SERPINB8: variants seen among roughly 807,000 people sequenced by gnomAD.
SERPINB8 encodes serpin B8.
Under a neutral mutation model 35.3 loss-of-function variants are expected in SERPINB8, and 25 were observed. The ratio of observed to expected loss-of-function variants is 0.71; its 90% confidence interval spans 0.52 to 0.99. The LOEUF is 0.99. SERPINB8 is among the 50% of genes least tolerant of loss of function. The pLI, the probability that SERPINB8 is intolerant of heterozygous loss-of-function variation, is 0.00. For missense variants in SERPINB8, 484 were observed against 446.5 expected, an observed-to-expected ratio of 1.08 and a Z score of -0.76; for synonymous variants, 186 against 160.8, an observed-to-expected ratio of 1.16 and a Z score of -1.19.
At chr18:63,986,763 A>G in intron 6 of SERPINB8, 111 bp from the exon 7 acceptor site, 2 of 1,389,008 alleles carry the variant, frequency 1.4e-6, no homozygotes, top group Admixed American at 2.3e-5. Context: ...ATTTTCTTGG[A>G]CCAGAACTCA....
In SERPINB8 at chr18:63,987,053, T is replaced by C. The variant is rs1464416864; in HGVS notation, c.900T>C (p.Ser300=). The C allele has an allele frequency of 1.9e-6, 3 of 1,614,094 alleles. No individual in the cohort carries two copies. The highest frequency in any genetic ancestry group is 1.7e-5 in the Admixed American group (1 of 60,004). ...DAFDEAKADF[S]GMSTEKNVPL... ...TTGACGAAGCCAAGGCAGACTTTTC[T>C]GGAATGTCAACTGAGAAGAATGTGC... Residue 300 remains serine (S), a synonymous_variant, in exon 7 of 7, where the codon TCT becomes TCC. Coordinates refer to ENST00000397985, the MANE Select transcript of SERPINB8 (RefSeq NM_002640.4).
chr18:63,995,669 C>T (rs193236491), intron 1 of SERPINB8, among the ~76,000 whole-genome samples: 83 of 152,268 alleles, frequency 5.5e-4, no homozygotes, highest in Non-Finnish European at 9.1e-4. Flanking sequence ...CAATTACTGT[C>T]GCCTAGGCCA....
At chr18:63,972,634 C>G (rs796212707) in intron 1 of SERPINB8, among the ~76,000 whole-genome samples, 34 of 151,800 alleles carry the variant, frequency 2.2e-4, no homozygotes, top group African/African-American at 8.0e-4. Context: ...CTATTCCTCT[C>G]ACATCCCCCC....
Position 63,981,807 on chromosome 18 carries a change from T to C in SERPINB8, c.393T>C (p.His131=). Residue 131 remains histidine, a synonymous_variant, in exon 4 of 7, where the codon CAT becomes CAC. Transcript: ENST00000397985. ...FAEDTEECRK[H]INDWVAEKTE... The stretch of plus-strand genomic sequence containing the variant: ...AAGACACTGAAGAGTGCAGGAAGCA[T>C]ATAAATGACTGGGTGGCAGAGAAGA... 1 of 1,613,140 alleles carries C rather than the reference T, an allele frequency of 6.2e-7. No homozygotes were observed.
At chr18:64,000,093 C>T (rs953129414) in intron 1 of SERPINB8, among the ~76,000 whole-genome samples, 2 of 152,206 alleles carry the variant, frequency 1.3e-5, no homozygotes, top group Non-Finnish European at 2.9e-5. Flanking sequence ...GTGCCACTGT[C>T]AACACCTCGT....
downstream of SERPINB8, among the ~76,000 whole-genome samples, chr18:64,008,390 C>T (rs1044780245): frequency 1.3e-5 from 2 of 152,002 alleles, no homozygotes; most frequent in African/African-American, 2.4e-5. Context: ...TTACAGGCCC[C>T]TGCCACCACG....
downstream of SERPINB8, among the ~76,000 whole-genome samples, chr18:63,990,663 T>TCCCCCCCCCCCC (rs1306265823): frequency 6.9e-6 from 1 of 144,126 alleles, no homozygotes; most frequent in African/African-American, 2.6e-5. Context: ...CTATCCCTCA[T>TCCCCCCCCCCCC]CCCTCCCCCC....
chr18:64,007,528 A>T (rs2144846919), downstream of SERPINB8, among the ~76,000 whole-genome samples: 1 of 152,334 alleles, frequency 6.6e-6, no homozygotes, highest in Non-Finnish European at 1.5e-5. Context: ...TCTCACTGGT[A>T]TTATAAATAC....
intron 1 of SERPINB8, among the ~76,000 whole-genome samples, chr18:63,999,859 G>T (rs1173159152): frequency 1.3e-5 from 2 of 152,182 alleles, no homozygotes; most frequent in African/African-American, 4.8e-5. Flanking sequence ...CGGGTGAGAA[G>T]CACTGCTGAC....
At chr18:63,994,075 C>G (rs1238262669), downstream of SERPINB8, among the ~76,000 whole-genome samples, 4 of 152,084 alleles carry the variant, frequency 2.6e-5, no homozygotes, top group Non-Finnish European at 5.9e-5. Flanking sequence ...CCTGTCCCTC[C>G]CCTTGGCTCC....
rs2050780077 is a variant in SERPINB8, at chr18:63,987,499, T to G, written c.*221T>G. ...TGGGAAGGCTATGCTGGTTTTGGAG[T>G]GTTTGGGGTGCCTGCCATTGCCTCT... On this transcript the variant is annotated 3_prime_UTR_variant, in exon 7 of 7. Transcript: ENST00000397985. 1.9e-6 allele frequency: 1 copy of G among 538,328 alleles called. No individual in the cohort carries two copies. Among genetic ancestry groups the G allele is most frequent in the Admixed American group, 3.5e-5 (1 of 28,730 alleles). 33.3% of individuals were successfully genotyped at this position (538,328 alleles called of 1,614,324 possible).
At chr18:64,018,806 T>C (rs2050962327) in intron 7 of SERPINB8, 1 of 152,226 alleles carries the variant, frequency 6.6e-6, no homozygotes, top group Non-Finnish European at 1.5e-5. Context: ...AGTGCATATT[T>C]TCCTGGTTCT....
At position 63,988,499 on chromosome 18, in the gene SERPINB8, G is replaced by A. The variant is rs2050795242; in HGVS notation, c.*1221G>A. The A allele has an allele frequency of 6.6e-6, 1 of 152,054 alleles. No homozygotes were observed. The highest frequency in any genetic ancestry group is 2.1e-4 in the South Asian group (1 of 4,822). 9.4% of individuals were successfully genotyped at this position (152,054 alleles called of 1,614,324 possible). A position where few individuals can be genotyped will look rare whatever the true frequency, so the allele number is the denominator to read the frequency against. Reference sequence around the variant, plus strand: ...ATATTTTTTAAAATTCCTAACAATAGTACTGTTGAGATAAAAGTTGAGCAC... The same window carrying A: ...ATATTTTTTAAAATTCCTAACAATAATACTGTTGAGATAAAAGTTGAGCAC... On this transcript the variant is annotated 3_prime_UTR_variant, in exon 7 of 7. Transcript: ENST00000397985.
Position 63,981,805 on chromosome 18 carries a change from C to G in SERPINB8, c.391C>G (p.His131Asp). ...FAEDTEECRKHINDWVAEKTE... is the reference protein window; with the variant it reads ...FAEDTEECRKDINDWVAEKTE... ...TGAAGACACTGAAGAGTGCAGGAAG[C>G]ATATAAATGACTGGGTGGCAGAGAA... The change falls in exon 4 of 7, where the codon CAT becomes GAT. Residue 131 changes from histidine to aspartate, a missense_variant. His to Asp is a moderately conservative substitution (Grantham distance 81, BLOSUM62 -1). Coordinates refer to ENST00000397985, the MANE Select transcript of SERPINB8 (RefSeq NM_002640.4). 1.2e-6 allele frequency: 2 copies of G among 1,613,070 alleles called. No homozygotes were observed. The highest frequency in any genetic ancestry group is 1.7e-4 in the Middle Eastern group (1 of 6,058).
chr18:64,018,511 T>C (rs1599175377), intron 7 of SERPINB8, among the ~76,000 whole-genome samples: 1 of 152,310 alleles, frequency 6.6e-6, no homozygotes, highest in African/African-American at 2.4e-5. Flanking sequence ...TTAAAGTGGG[T>C]AGAAAAAATA....
At chr18:63,972,004 T>TG (rs1032087773) in intron 1 of SERPINB8, among the ~76,000 whole-genome samples, 9 of 152,020 alleles carry the variant, frequency 5.9e-5, no homozygotes, top group Admixed American at 4.6e-4. Context: ...TTTTCTTTTT[T>TG]TTTTTGATAT....
At chr18:63,997,589 C>A (rs2050856225) in intron 1 of SERPINB8, among the ~76,000 whole-genome samples, 1 of 152,216 alleles carries the variant, frequency 6.6e-6, no homozygotes, top group Non-Finnish European at 1.5e-5. Context: ...TGAGATAGAT[C>A]TATCCCTTGG....
chr18:63,980,162 C>A (rs551134173), intron 3 of SERPINB8, among the ~76,000 whole-genome samples: 85 of 152,278 alleles, frequency 5.6e-4, no homozygotes, highest in Non-Finnish European at 1.1e-3. Context: ...CTCCTGCACG[C>A]AGCCCTGCTT....
Position 63,979,867 on chromosome 18 carries a change from A to G in SERPINB8, c.235A>G (p.Arg79Gly), listed in dbSNP as rs1445640876. The G allele has an allele frequency of 1.2e-6, 2 of 1,614,050 alleles. No individual in the cohort carries two copies. Among genetic ancestry groups the G allele is most frequent in the African/African-American group, 1.3e-5 (1 of 74,942 alleles). The change falls in exon 3 of 7, where the codon AGA becomes GGA. Residue 79 changes from arginine to glycine, a missense_variant. Transcript: ENST00000397985. ...CCAGTCACTTCTCAGTGAAGTTAAC[A>G]GAACTGGCACTCAGTACTTGCTTAG... ...GFQSLLSEVN[R>G]TGTQYLLRTA...
Sources: gnomAD v4.1 joint callset for allele counts (sites outside exome capture counted in the v4.1 genomes callset) on GRCh38, gnomAD v4.1.1 for gene constraint, MANE v1.5 for transcripts, NCBI Gene and HGNC (gene_info 2026-07-23, HGNC 2026-07-21) for gene names.